POLE4: variants seen among roughly 807,000 people sequenced by gnomAD.
The protein encoded by POLE4 is DNA polymerase epsilon subunit 4.
Under a neutral mutation model 15.6 loss-of-function variants are expected in POLE4, and 15 were observed. That is an observed-to-expected ratio of 0.96 (90% CI 0.64 to 1.48). The LOEUF (loss-of-function observed/expected upper bound fraction) is 1.48. POLE4 is among the 40% of genes most tolerant of loss of function. The pLI is 0.00. For synonymous variants in POLE4, 83 were observed against 63.2 expected (o/e 1.31, Z -1.49); for missense variants, 205 against 151.9 (o/e 1.35, Z -1.84).
Position 74,965,345 on chromosome 2 carries a change from C to T in POLE4, c.341-4064C>T, listed in dbSNP as rs775708176. Among the ~76,000 whole-genome samples the T allele has an allele frequency of 1.2e-4, 18 of 152,020 alleles. No individual in the cohort carries two copies. The East Asian group carries it at 2.5e-3, about 21-fold the overall frequency. ...TGACCTCAGGTGTTCAAGGTCCACC[C>T]GCCTCAGCCTCCCAAAGTGTTGGGA... On this transcript the variant is annotated intron_variant, in intron 3 of 3. Coordinates refer to ENST00000483063, the MANE Select transcript of POLE4 (RefSeq NM_019896.4).
intron 3 of POLE4, 84 bp from the exon 4 acceptor site, chr2:74,969,325 C>G (rs1234129338): frequency 7.9e-7 from 1 of 1,263,968 alleles, no homozygotes; most frequent in African/African-American, 1.5e-5. Flanking sequence ...ACCGGAGCCT[C>G]TTCTGCATTA....
In POLE4 at chr2:74,969,513, C is replaced by T. The variant is rs1671340788; in HGVS notation, c.*91C>T. ...TCAGCTTTGAAGAACGGAGTCTTTG[C>T]ACTTACACACACTCTTCCTGTTCTG... On this transcript the variant is annotated 3_prime_UTR_variant, in exon 4 of 4. Transcript: ENST00000483063. 4.7e-6 allele frequency: 5 copies of T among 1,061,564 alleles called. No individual in the cohort carries two copies. The highest frequency in any genetic ancestry group is 1.7e-5 in the Admixed American group (1 of 59,288). 65.8% of individuals were successfully genotyped at this position (1,061,564 alleles called of 1,614,324 possible).
At chr2:74,965,946 G>A (rs1446388628) in intron 3 of POLE4, among the ~76,000 whole-genome samples, 2 of 152,020 alleles carry the variant, frequency 1.3e-5, no homozygotes, top group Non-Finnish European at 2.9e-5. Flanking sequence ...GTCTATAACT[G>A]GAGCACGTCA....
In POLE4 at chr2:74,960,155, C is replaced by T. The variant is rs747133528; in HGVS notation, c.340+9C>T. ...ATTTGCTTTTCTGGAAGGTGAGTTCCCTCTCAGTGGGCAATCATTTCCGCC... is the reference window on the plus strand; with the variant it reads ...ATTTGCTTTTCTGGAAGGTGAGTTCTCTCTCAGTGGGCAATCATTTCCGCC... On this transcript the variant is annotated intron_variant, in intron 3 of 3. Transcript: ENST00000483063. 2.5e-6 allele frequency: 4 copies of T among 1,607,200 alleles called. No homozygotes were observed. In the South Asian group the frequency reaches 4.4e-5, roughly 18 times the overall value.
At chr2:74,968,285 T>A (rs1415071724) in intron 3 of POLE4, among the ~76,000 whole-genome samples, 2 of 152,232 alleles carry the variant, frequency 1.3e-5, no homozygotes, top group Admixed American at 1.3e-4. Context: ...TTTATTTTTC[T>A]TATGTTTTTA....
At chr2:74,961,965 C>T (rs1671226611) in intron 3 of POLE4, among the ~76,000 whole-genome samples, 1 of 152,084 alleles carries the variant, frequency 6.6e-6, no homozygotes, top group Non-Finnish European at 1.5e-5. Flanking sequence ...CAAATCGTTA[C>T]CTAATGGCTT....
In POLE4 at chr2:74,969,662, T is replaced by A; in HGVS notation, c.*240T>A. On this transcript the variant is annotated 3_prime_UTR_variant, in exon 4 of 4. Coordinates refer to ENST00000483063, the MANE Select transcript of POLE4 (RefSeq NM_019896.4). ...CAGCTGCTGCTGCTTAGAGCAGAGA[T>A]GAAGAAAGTGTTCTGCATAAGTGGC... 1 of 562,054 alleles carries A rather than the reference T, an allele frequency of 1.8e-6. No homozygotes were observed. 34.8% of individuals were successfully genotyped at this position (562,054 alleles called of 1,614,324 possible). A position where few individuals can be genotyped will look rare whatever the true frequency, so the allele number is the denominator to read the frequency against.
In POLE4 at chr2:74,958,845, G is replaced by A. The variant is rs1156669177; in HGVS notation, c.166G>A (p.Val56Met). ...GGCCTTGGTGAAGGCAGATCCCGAC[G>A]TGACGCTAGCGGGACAGGAAGCCAT... ...VKALVKADPDVTLAGQEAIFI... is the reference protein window; with the variant it reads ...VKALVKADPDMTLAGQEAIFI... Residue 56 changes from valine (V) to methionine (M), a missense_variant, in exon 1 of 4, where the codon GTG becomes ATG. Coordinates refer to ENST00000483063, the MANE Select transcript of POLE4 (RefSeq NM_019896.4). The A allele has an allele frequency of 1.3e-6, 2 of 1,561,498 alleles. No individual in the cohort carries two copies. The highest frequency in any genetic ancestry group is 2.4e-5 in the South Asian group (2 of 84,830).
At chr2:74,961,172 G>C (rs1426603790) in intron 3 of POLE4, 1 of 152,240 alleles carries the variant, frequency 6.6e-6, no homozygotes, top group Non-Finnish European at 1.5e-5. Flanking sequence ...TATTCTCCCA[G>C]GGTGTTCTCA....
chr2:74,958,675 C>A lies in POLE4; in HGVS notation c.-5C>A, dbSNP rs1364368367. On this transcript the variant is annotated 5_prime_UTR_variant, in exon 1 of 4. Transcript: ENST00000483063. ...GCGGCCGCGCGCAGCACGCTCAAGG[C>A]CGGGATGGCGGCGGCGGCGGCGGCA... is the stretch of plus-strand genomic sequence containing the variant. 24 of 1,451,816 alleles carry A rather than the reference C, an allele frequency of 1.7e-5. No homozygotes were observed. Among genetic ancestry groups the A allele is most frequent in the Non-Finnish European group, 2.2e-5 (24 of 1,108,456 alleles). The allele number at this position is 1,451,816 out of a possible 1,614,324, so 89.9% of individuals were successfully genotyped here.
Position 74,960,312 on chromosome 2 carries a change from G to T in POLE4, c.340+166G>T, listed in dbSNP as rs1024266232. ...AACTTGCTAAACCTAGTGAGGTTCA[G>T]TTTTCTCCCTTGGGGAATTAAAATT... On this transcript the variant is annotated intron_variant, in intron 3 of 3. Coordinates refer to ENST00000483063, the MANE Select transcript of POLE4 (RefSeq NM_019896.4). 6.3e-6 allele frequency: 4 copies of T among 638,392 alleles called. No individual in the cohort carries two copies. In the African/African-American group the frequency reaches 7.3e-5, roughly 12 times the overall value. 39.5% of individuals were successfully genotyped at this position (638,392 alleles called of 1,614,324 possible). A position where few individuals can be genotyped will look rare whatever the true frequency, so the allele number is the denominator to read the frequency against.
At chr2:74,959,209 A>T (rs1287145744) in intron 1 of POLE4, 132 bp from the exon 2 acceptor site, 3 of 641,836 alleles carry the variant, frequency 4.7e-6, no homozygotes, top group Non-Finnish European at 8.4e-6. Context: ...AGTCCAGGAC[A>T]ATCTTAGCTT....
At chr2:74,959,045 T>C in intron 1 of POLE4, 153 bp downstream of exon 1, 1 of 690,558 alleles carries the variant, frequency 1.4e-6, no homozygotes, top group Non-Finnish European at 2.4e-6. Flanking sequence ...GCCGGGGACC[T>C]GTGCGAGTTT....
chr2:74,959,037 C>G lies in POLE4; in HGVS notation c.213+145C>G, dbSNP rs548561999. The G allele has an allele frequency of 6.9e-6, 5 of 724,096 alleles. No homozygotes were observed. The East Asian group carries it at 8.3e-5, about 12-fold the overall frequency. 44.9% of individuals were successfully genotyped at this position (724,096 alleles called of 1,614,324 possible). On this transcript the variant is annotated intron_variant, in intron 1 of 3. Transcript: ENST00000483063. ...GACCCGGAAGGCGGAGGAAAGGGGC[C>G]GGGGACCTGTGCGAGTTTTGTTAAC...
At chr2:74,968,682 G>T (rs1034792614) in intron 3 of POLE4, among the ~76,000 whole-genome samples, 1 of 150,512 alleles carries the variant, frequency 6.6e-6, no homozygotes, top group Non-Finnish European at 1.5e-5. Flanking sequence ...TGTCCTGCCT[G>T]TGGGGAGGGT....
intron 1 of POLE4, chr2:74,959,122 C>T: frequency 1.6e-6 from 1 of 610,938 alleles, no homozygotes; most frequent in South Asian, 2.0e-5. Context: ...TCTCCAGGGC[C>T]TCGTACAGAA....
intron 3 of POLE4, among the ~76,000 whole-genome samples, chr2:74,964,055 G>A (rs994191854): frequency 6.6e-6 from 1 of 151,190 alleles, no homozygotes; most frequent in Non-Finnish European, 1.5e-5. Flanking sequence ...TGTGTATTGG[G>A]TTGGGGGTCC....
intron 3 of POLE4, among the ~76,000 whole-genome samples, chr2:74,965,307 G>A (rs1383742936): frequency 1.3e-5 from 2 of 151,918 alleles, no homozygotes; most frequent in African/African-American, 4.8e-5. Context: ...TGGTCAGGCT[G>A]GTCTTGAACT....
chr2:74,968,626 GTT>G (rs397937933), intron 3 of POLE4, among the ~76,000 whole-genome samples: 2 of 136,054 alleles, frequency 1.5e-5, no homozygotes, highest in African/African-American at 2.7e-5. Context: ...TGTGATCTTT[GTT>G]TTTTTTTTTT....
Sources: gnomAD v4.1 joint callset for allele counts (sites outside exome capture counted in the v4.1 genomes callset) on GRCh38, gnomAD v4.1.1 for gene constraint, MANE v1.5 for transcripts, NCBI Gene and HGNC (gene_info 2026-07-23, HGNC 2026-07-21) for gene names.